DTHD1: variants seen among roughly 807,000 people sequenced by gnomAD.
DTHD1 encodes death domain-containing protein 1.
In DTHD1, 59 loss-of-function variants were observed where a neutral mutation model predicts 74.8. The observed-to-expected ratio is 0.79, with a 90% confidence interval of 0.64 to 0.98. The LOEUF is 0.98. Among genes scored for constraint, DTHD1 ranks in the 50% least tolerant of loss-of-function variants. DTHD1 has a pLI of 0.00. For missense variants in DTHD1, 1,051 were observed against 1,065.4 expected, an observed-to-expected ratio of 0.99 and a Z score of 0.19; for synonymous variants, 365 against 371.1, an observed-to-expected ratio of 0.98 and a Z score of 0.19.
At chr4:36,324,738 T>C (rs1329780626) in intron 8 of DTHD1, among the ~76,000 whole-genome samples, 1 of 152,174 alleles carries the variant, frequency 6.6e-6, no homozygotes, top group Non-Finnish European at 1.5e-5. Flanking sequence ...AGTATAAAAC[T>C]TTAAAAGTTA....
intron 5 of DTHD1, 91 bp downstream of exon 5, chr4:36,295,130 A>C: frequency 7.7e-6 from 10 of 1,292,058 alleles, no homozygotes; most frequent in Non-Finnish European, 1.0e-5. Flanking sequence ...TTGTATTTAA[A>C]TTCTGTATTA....
At chr4:36,336,941 T>C (rs925298696) in intron 8 of DTHD1, among the ~76,000 whole-genome samples, 57 of 152,120 alleles carry the variant, frequency 3.7e-4, no homozygotes, top group Non-Finnish European at 6.9e-4. Flanking sequence ...AAGCATCTTT[T>C]GATTGCAAGG....
Position 36,306,501 on chromosome 4 carries a change from A to G in DTHD1, c.1805+149A>G, listed in dbSNP as rs1487215316. 6 of 841,522 alleles carry G rather than the reference A, an allele frequency of 7.1e-6. No homozygotes were observed. The South Asian group carries it at 1.1e-4, about 16-fold the overall frequency. The allele number at this position is 841,522 out of a possible 1,614,324, so 52.1% of individuals were successfully genotyped here. On this transcript the variant is annotated intron_variant, in intron 6 of 9. Coordinates refer to ENST00000639862, the MANE Select transcript of DTHD1 (RefSeq NM_001170700.3). The stretch of plus-strand genomic sequence containing the variant: ...AAAGGGTACTTAAAATACAAACCAG[A>G]ATTGACATGGGTATGCTATCTGTAA...
At chr4:36,319,542 A>G (rs7654356) in intron 8 of DTHD1, among the ~76,000 whole-genome samples, 71,012 of 152,022 alleles carry the variant, frequency 0.47, 17,977 homozygotes, top group African/African-American at 0.67. Context: ...TTGCTGCCAT[A>G]AGAGGATGAA....
At chr4:36,327,671 T>A (rs1402010946) in intron 8 of DTHD1, among the ~76,000 whole-genome samples, 2 of 152,240 alleles carry the variant, frequency 1.3e-5, no homozygotes, top group African/African-American at 2.4e-5. Flanking sequence ...GTGCACCTAC[T>A]TTGCCCATTT....
In DTHD1 at chr4:36,293,627, TAAGTC is replaced by T; in HGVS notation, c.1324_1328del (p.Ser442HisfsTer28). 5 of 1,549,984 alleles carry T rather than the reference TAAGTC, an allele frequency of 3.2e-6. No individual in the cohort carries two copies. The highest frequency in any genetic ancestry group is 4.4e-6 in the Non-Finnish European group (5 of 1,145,814). On this transcript the variant is annotated frameshift_variant, in exon 4 of 10. Coordinates refer to ENST00000639862, the MANE Select transcript of DTHD1 (RefSeq NM_001170700.3). LOFTEE classifies it high-confidence loss of function. The stretch of plus-strand genomic sequence containing the variant: ...CAGTAACAAAGAAAGGCCTCGCTCT[TAAGTC>T]AAGCATGGATTCCCGAATATCCTTA...
chr4:36,330,104 A>T (rs1758580356), intron 8 of DTHD1, among the ~76,000 whole-genome samples: 1 of 152,194 alleles, frequency 6.6e-6, no homozygotes. Flanking sequence ...CATCTTTCTA[A>T]TGGCATTGTA....
chr4:36,336,499 C>T lies in DTHD1; in HGVS notation c.2341-2613C>T, dbSNP rs184134832. Among the ~76,000 whole-genome samples the T allele has an allele frequency of 2.4e-4, 37 of 152,278 alleles. 1 individual carries two copies. The highest frequency in any genetic ancestry group is 2.3e-3 in the Admixed American group (35 of 15,286). On this transcript the variant is annotated intron_variant, in intron 8 of 9. Transcript: ENST00000639862. ...TAAGAAGGAAAAGGTGTGGAAAGCA[C>T]GCAGGAGTCATGCAGGAGAGTGCAG...
At chr4:36,288,682 C>G (rs899056360) in intron 2 of DTHD1, among the ~76,000 whole-genome samples, 1 of 152,114 alleles carries the variant, frequency 6.6e-6, no homozygotes, top group Non-Finnish European at 1.5e-5. Flanking sequence ...ATTTGTATAC[C>G]AGTGCCATGC....
intron 8 of DTHD1, among the ~76,000 whole-genome samples, chr4:36,318,768 C>T (rs1319363927): frequency 2.0e-5 from 3 of 152,044 alleles, no homozygotes; most frequent in African/African-American, 7.2e-5. Context: ...GCGCCCGCCA[C>T]CACGCCCAGC....
rs1422773622 is a variant in DTHD1 at position 36,283,838 on chromosome 4, A to C, written c.272-138A>C. 6.4e-6 allele frequency: 4 copies of C among 627,842 alleles called. No individual in the cohort carries two copies. In the African/African-American group the frequency reaches 7.4e-5, roughly 12 times the overall value. The allele number at this position is 627,842 out of a possible 1,614,324, so 38.9% of individuals were successfully genotyped here. ...GTTATACAATTACTTCTCCTTCAGG[A>C]GTTTGGCTTAAATGCACAGTAAAGG... On this transcript the variant is annotated intron_variant, in intron 1 of 9. Transcript: ENST00000639862.
intron 5 of DTHD1, among the ~76,000 whole-genome samples, chr4:36,304,891 A>G (rs1399250223): frequency 2.6e-5 from 4 of 152,070 alleles, no homozygotes; most frequent in Admixed American, 1.3e-4. Flanking sequence ...ATTTTCATTG[A>G]CCAAGGTACC....
chr4:36,343,377 C>A, intron 9 of DTHD1, 125 bp from the exon 10 acceptor site: 1 of 856,184 alleles, frequency 1.2e-6, no homozygotes, highest in Non-Finnish European at 1.8e-6. Flanking sequence ...AGTCTCATAT[C>A]TCTGCACTGC....
intron 7 of DTHD1, among the ~76,000 whole-genome samples, chr4:36,314,865 G>C (rs1757623718): frequency 6.8e-6 from 1 of 146,578 alleles, no homozygotes; most frequent in South Asian, 2.2e-4. Flanking sequence ...CAGGCCCTAT[G>C]ACAATTATTT....
intron 7 of DTHD1, among the ~76,000 whole-genome samples, chr4:36,314,513 A>G (rs1023937771): frequency 2.1e-5 from 3 of 144,884 alleles, no homozygotes; most frequent in Non-Finnish European, 4.5e-5. Context: ...CGTCTCTACA[A>G]AAAAAAAAAA....
chr4:36,314,443 A>G lies in DTHD1; in HGVS notation c.2096-1799A>G, dbSNP rs115219385. On this transcript the variant is annotated intron_variant, in intron 7 of 9. Coordinates refer to ENST00000639862, the MANE Select transcript of DTHD1 (RefSeq NM_001170700.3). Reference sequence around the variant, plus strand: ...ATCCCAGCACTTTGGGAGGCCAAGGAGGGTGGATTGCTTGCCTTCAGGAGA... The same window carrying G: ...ATCCCAGCACTTTGGGAGGCCAAGGGGGGTGGATTGCTTGCCTTCAGGAGA... Among the ~76,000 whole-genome samples, 1,377 of 143,974 alleles carry G rather than the reference A, an allele frequency of 9.6e-3. 26 individuals are homozygous for G. Among genetic ancestry groups the G allele is most frequent in the African/African-American group, 0.034 (1,322 of 39,222 alleles). 94.5% of individuals were successfully genotyped at this position (143,974 alleles called of 152,430 possible).
At chr4:36,321,536 G>A (rs1031231482) in intron 8 of DTHD1, among the ~76,000 whole-genome samples, 8 of 152,058 alleles carry the variant, frequency 5.3e-5, no homozygotes, top group African/African-American at 1.9e-4. Context: ...CTAGTTGCAG[G>A]AAAACAAGCT....
intron 5 of DTHD1, 125 bp from the exon 6 acceptor site, chr4:36,306,066 T>C: frequency 1.0e-6 from 1 of 966,906 alleles, no homozygotes; most frequent in Non-Finnish European, 1.5e-6. Context: ...CAAAGCATAA[T>C]TCCTGGCACA....
At chr4:36,293,749 T>C (rs1756228849) in intron 4 of DTHD1, 44 bp downstream of exon 4, 1 of 1,430,890 alleles carries the variant, frequency 7.0e-7, no homozygotes, top group Admixed American at 2.6e-5. Context: ...ATAGATTTTG[T>C]GGGTCATCAA....
Sources: gnomAD v4.1 joint callset for allele counts (sites outside exome capture counted in the v4.1 genomes callset) on GRCh38, gnomAD v4.1.1 for gene constraint, MANE v1.5 for transcripts, NCBI Gene and HGNC (gene_info 2026-07-23, HGNC 2026-07-21) for gene names.